CCDC102B: variants seen among roughly 807,000 people sequenced by gnomAD.
The protein encoded by CCDC102B is coiled-coil domain containing 102B, also known as coiled-coil domain-containing protein 102B.
In CCDC102B, 75 loss-of-function variants were observed where a neutral mutation model predicts 57.4. That is an observed-to-expected ratio of 1.31 (90% CI 1.08 to 1.58). The LOEUF is 1.58. Among genes scored for constraint, CCDC102B ranks in the 40% most tolerant of loss-of-function variants. CCDC102B has a pLI of 0.00. For synonymous variants in CCDC102B, 206 were observed against 201.9 expected (o/e 1.02, Z -0.17); for missense variants, 636 against 582.6 (o/e 1.09, Z -0.94).
chr18:68,813,450 G>A lies in CCDC102B; in HGVS notation c.-16+15269G>A, dbSNP rs73458031. ...GAGAAGGGTAGAGGAAGGGATGGGAGGCAAGAGAAGGAGGAGTTAGAGGAT... is the reference window on the plus strand; with the variant it reads ...GAGAAGGGTAGAGGAAGGGATGGGAAGCAAGAGAAGGAGGAGTTAGAGGAT... On this transcript the variant is annotated intron_variant, in intron 1 of 7. Transcript: ENST00000360242. Among the ~76,000 whole-genome samples, 923 of 152,074 alleles carry A rather than the reference G, an allele frequency of 6.1e-3. 10 individuals carry two copies. Among genetic ancestry groups the A allele is most frequent in the African/African-American group, 0.021 (877 of 41,484 alleles).
chr18:69,004,645 A>T (rs2051291240), intron 6 of CCDC102B, among the ~76,000 whole-genome samples: 1 of 152,142 alleles, frequency 6.6e-6, no homozygotes, highest in African/African-American at 2.4e-5. Flanking sequence ...ATCTTAAAAA[A>T]TCATCTGAGT....
At chr18:68,722,437 A>ACCC (rs1016477696) in intron 2 of CCDC102B, among the ~76,000 whole-genome samples, 1 of 152,086 alleles carries the variant, frequency 6.6e-6, no homozygotes, top group Non-Finnish European at 1.5e-5. Flanking sequence ...TATAAAAGAC[A>ACCC]CCCCACCACC....
intron 6 of CCDC102B, among the ~76,000 whole-genome samples, chr18:68,977,318 A>C (rs913267008): frequency 1.3e-5 from 2 of 152,026 alleles, no homozygotes; most frequent in African/African-American, 4.8e-5. Context: ...CAGAACGTGC[A>C]GGTTTGTTAC....
chr18:68,998,983 TATATATATATATATATAGAG>T (rs1255047655), intron 6 of CCDC102B, among the ~76,000 whole-genome samples: 9 of 66,430 alleles, frequency 1.4e-4, no homozygotes, highest in Non-Finnish European at 1.9e-4. Context: ...TATATATATA[TATATATATATATATATAGAG>T]AGAGAGAGAG....
intron 2 of CCDC102B, among the ~76,000 whole-genome samples, chr18:68,760,949 C>G (rs1031511590): frequency 1.3e-5 from 2 of 151,500 alleles, no homozygotes; most frequent in African/African-American, 4.8e-5. Context: ...AATGTGCAGG[C>G]AAAAGAAAAA....
chr18:69,056,975 T>C (rs1178806286), downstream of CCDC102B, among the ~76,000 whole-genome samples: 1 of 152,056 alleles, frequency 6.6e-6, no homozygotes, highest in Non-Finnish European at 1.5e-5. Flanking sequence ...AATGGAATCA[T>C]ATAGTATTTT....
intron 6 of CCDC102B, among the ~76,000 whole-genome samples, chr18:68,995,482 A>G (rs2050999507): frequency 6.6e-6 from 1 of 152,094 alleles, no homozygotes; most frequent in East Asian, 1.9e-4. Flanking sequence ...CTTGGTGCCC[A>G]GCATCCCAGC....
chr18:68,798,298 T>A (rs1480956716), intron 1 of CCDC102B, 117 bp downstream of exon 1: 1 of 152,156 alleles, frequency 6.6e-6, no homozygotes, highest in Admixed American at 6.6e-5. Flanking sequence ...AGAGCAAAAC[T>A]ACTGTAGAGC....
chr18:69,007,018 G>A (rs1481600569), intron 6 of CCDC102B, among the ~76,000 whole-genome samples: 1 of 152,204 alleles, frequency 6.6e-6, no homozygotes, highest in East Asian at 1.9e-4. Context: ...TTTAGAGAGA[G>A]AAGGTATGTG....
chr18:68,938,318 GA>G (rs1278706661), intron 6 of CCDC102B, among the ~76,000 whole-genome samples: 20 of 152,106 alleles, frequency 1.3e-4, no homozygotes, highest in Middle Eastern at 3.4e-3. Context: ...TTTATAATCT[GA>G]AAATTTTTAA....
intron 6 of CCDC102B, among the ~76,000 whole-genome samples, chr18:68,906,152 C>T (rs1276071208): frequency 6.6e-6 from 1 of 152,186 alleles, no homozygotes; most frequent in Non-Finnish European, 1.5e-5. Context: ...TTGTAGCATA[C>T]ATCATTACTT....
chr18:68,952,104 T>G (rs567208516), intron 6 of CCDC102B, among the ~76,000 whole-genome samples: 2 of 152,170 alleles, frequency 1.3e-5, no homozygotes, highest in Non-Finnish European at 1.5e-5. Flanking sequence ...TAAATGCAAA[T>G]GCACCAATGG....
rs1043000704 is a variant in CCDC102B at position 68,716,101 on chromosome 18, C to A, written c.-133-427C>A. ...CTCTACAGATTCAATTTTTCTTTTT[C>A]TTTCTCTTTTCCTTTTTTTCTTTTT... On this transcript the variant is annotated intron_variant, in intron 1 of 3. Coordinates refer to the CCDC102B transcript ENST00000578970. 4.6e-5 allele frequency among the ~76,000 whole-genome samples: 7 copies of A among 151,454 alleles called. No homozygotes were observed. The East Asian group carries it at 1.3e-3, about 29-fold the overall frequency.
chr18:68,925,572 T>A (rs2041449465), intron 6 of CCDC102B, among the ~76,000 whole-genome samples: 1 of 152,052 alleles, frequency 6.6e-6, no homozygotes, highest in Non-Finnish European at 1.5e-5. Context: ...AAGCCTGCTT[T>A]GTGGTAGCAA....
intron 1 of CCDC102B, among the ~76,000 whole-genome samples, chr18:68,813,707 C>T (rs1599500838): frequency 6.6e-6 from 1 of 151,142 alleles, no homozygotes; most frequent in Non-Finnish European, 1.5e-5. Flanking sequence ...TGAACCTAAT[C>T]CTAAGAATTA....
At chr18:69,037,259 T>A (rs2052320138) in intron 7 of CCDC102B, among the ~76,000 whole-genome samples, 1 of 151,968 alleles carries the variant, frequency 6.6e-6, no homozygotes, top group Admixed American at 6.6e-5. Context: ...CACATCCGTA[T>A]GTACAAACAC....
intron 7 of CCDC102B, among the ~76,000 whole-genome samples, chr18:69,034,780 A>T (rs1462079920): frequency 5.3e-5 from 8 of 151,610 alleles, no homozygotes; most frequent in African/African-American, 1.9e-4. Context: ...CACACACACA[A>T]ATATATATAC....
chr18:68,921,699 C>T (rs1007229872), intron 6 of CCDC102B, among the ~76,000 whole-genome samples: 1 of 152,112 alleles, frequency 6.6e-6, no homozygotes, highest in East Asian at 1.9e-4. Flanking sequence ...AAGGCCTCTG[C>T]TTGACAGCCA....
intron 5 of CCDC102B, among the ~76,000 whole-genome samples, chr18:68,877,538 C>A (rs1263170954): frequency 6.6e-6 from 1 of 152,206 alleles, no homozygotes; most frequent in Non-Finnish European, 1.5e-5. Flanking sequence ...TCTACACTAA[C>A]ATGCTAATTT....
Sources: gnomAD v4.1 joint callset for allele counts (sites outside exome capture counted in the v4.1 genomes callset) on GRCh38, gnomAD v4.1.1 for gene constraint, MANE v1.5 for transcripts, NCBI Gene and HGNC (gene_info 2026-07-23, HGNC 2026-07-21) for gene names.